Variants in NFIX observed in about 807,000 individuals in gnomAD.
NFIX encodes the protein nuclear factor 1 X-type.
Under a neutral mutation model 53.3 loss-of-function variants are expected in NFIX, and 2 were observed. The ratio of observed to expected loss-of-function variants is 0.04; its 90% CI spans 0.02 to 0.12. The LOEUF is 0.12. Ranked by LOEUF, NFIX falls within the 10% of genes least tolerant of loss-of-function variation. The probability of loss-of-function intolerance (pLI) is 1.00; values close to 1 mark genes in which losing one functional copy is unlikely to be tolerated. For synonymous variants in NFIX, 244 were observed against 289.0 expected (o/e 0.84, Z 1.58); for missense variants, 310 against 674.5 (o/e 0.46, Z 5.99).
At chr19:13,003,651 T>G (rs1237888624) in intron 1 of NFIX, among the ~76,000 whole-genome samples, 1 of 152,170 alleles carries the variant, frequency 6.6e-6, no homozygotes, top group African/African-American at 2.4e-5. Context: ...AACATTTTTT[T>G]TTTTTAGAGA....
At chr19:13,026,609 C>G (rs751468941) in intron 2 of NFIX, among the ~76,000 whole-genome samples, 1 of 152,166 alleles carries the variant, frequency 6.6e-6, no homozygotes, top group Non-Finnish European at 1.5e-5. Context: ...CACTCAGCTA[C>G]GCCCAATTTA....
chr19:13,019,630 G>C (rs996267279), intron 1 of NFIX, among the ~76,000 whole-genome samples: 1 of 150,102 alleles, frequency 6.7e-6, no homozygotes, highest in Non-Finnish European at 1.5e-5. Flanking sequence ...GTCTTTTTCT[G>C]TTGGGGGTAC....
chr19:13,085,965 G>A (rs939923930), intron 8 of NFIX, among the ~76,000 whole-genome samples: 6 of 152,214 alleles, frequency 3.9e-5, no homozygotes, highest in Non-Finnish European at 8.8e-5. Context: ...GTTCCAGTGA[G>A]ATCAAGAATG....
Position 13,095,659 on chromosome 19 carries a change from G to A in NFIX, c.*1010G>A, listed in dbSNP as rs1291311626. The A allele has an allele frequency of 6.6e-6, 1 of 152,416 alleles. No individual in the cohort carries two copies. The highest frequency in any genetic ancestry group is 1.5e-5 in the Non-Finnish European group (1 of 68,094). 9.4% of individuals were successfully genotyped at this position (152,416 alleles called of 1,614,324 possible). The stretch of plus-strand genomic sequence containing the variant: ...GCCGGGCCGGAGGGTGGAGCAGAAA[G>A]GGGACCCCGGAGCCGAGCGAGGAGG... On this transcript the variant is annotated 3_prime_UTR_variant, in exon 11 of 11. Transcript: ENST00000592199.
intron 1 of NFIX, among the ~76,000 whole-genome samples, chr19:13,015,174 C>T (rs542347243): frequency 1.3e-5 from 2 of 152,100 alleles, no homozygotes; most frequent in Non-Finnish European, 2.9e-5. Flanking sequence ...CCCTTGTATT[C>T]GTCTTTTTAC....
In NFIX at chr19:12,996,566, C is replaced by G. The variant is rs1476874179; in HGVS notation, c.27+702C>G. ...CGCGCTGCCAGCGGTGGCCGCGCCT[C>G]TCCGACCCCGGACGTCGCAGCCTCT... is the stretch of plus-strand genomic sequence containing the variant. On this transcript the variant is annotated intron_variant, in intron 1 of 10. Coordinates refer to ENST00000592199, the MANE Select transcript of NFIX (RefSeq NM_001365902.3). The surrounding 1 kb of genome is among the most constrained non-coding windows in gnomAD (Gnocchi z 5.2). Among the ~76,000 whole-genome samples the G allele has an allele frequency of 6.6e-6, 1 of 152,178 alleles. No individual in the cohort carries two copies. The highest frequency in any genetic ancestry group is 2.4e-5 in the African/African-American group (1 of 41,444).
chr19:13,075,923 G>A lies in NFIX; in HGVS notation c.955+252G>A, dbSNP rs150900754. On this transcript the variant is annotated intron_variant, in intron 6 of 10. Coordinates refer to ENST00000592199, the MANE Select transcript of NFIX (RefSeq NM_001365902.3). ...TATGGCGGTGGGAAGCAGAGGGGGT[G>A]CCAAGCCTCTGGTGCCCCACAGTGG... Among the ~76,000 whole-genome samples the A allele has an allele frequency of 9.5e-4, 144 of 152,244 alleles. 1 individual carries two copies. Among genetic ancestry groups the A allele is most frequent in the Middle Eastern group, 3.4e-3 (1 of 294 alleles).
At chr19:13,076,760 G>A (rs914703071) in intron 6 of NFIX, among the ~76,000 whole-genome samples, 2 of 152,112 alleles carry the variant, frequency 1.3e-5, no homozygotes, top group African/African-American at 4.8e-5. Flanking sequence ...GGGGTGGAGC[G>A]AGGTGGGGCT....
At chr19:13,030,934 G>C (rs917808185) in intron 2 of NFIX, among the ~76,000 whole-genome samples, 3 of 152,222 alleles carry the variant, frequency 2.0e-5, no homozygotes, top group Non-Finnish European at 4.4e-5. Context: ...TTGCACACCC[G>C]TGAAGCTGGC....
chr19:13,007,280 G>C (rs2012076428), intron 1 of NFIX, among the ~76,000 whole-genome samples: 1 of 152,136 alleles, frequency 6.6e-6, no homozygotes, highest in Non-Finnish European at 1.5e-5. Context: ...TGGGAATTTG[G>C]GGGTGGGGGC....
In NFIX at chr19:13,096,352, G is replaced by C. The variant is rs1440864366; in HGVS notation, c.*1703G>C. On this transcript the variant is annotated 3_prime_UTR_variant, in exon 11 of 11. Transcript: ENST00000592199. Reference sequence around the variant, plus strand: ...TTTGTGAGGCTGTGGCCCCGAGCTGGCGGAGGGAGGGAAGAGGAGGGAGTG... The same window carrying C: ...TTTGTGAGGCTGTGGCCCCGAGCTGCCGGAGGGAGGGAAGAGGAGGGAGTG... 6.6e-6 allele frequency: 1 copy of C among 152,504 alleles called. No individual in the cohort carries two copies. Among genetic ancestry groups the C allele is most frequent in the African/African-American group, 2.4e-5 (1 of 41,428 alleles). 9.4% of individuals were successfully genotyped at this position (152,504 alleles called of 1,614,324 possible).
intron 2 of NFIX, among the ~76,000 whole-genome samples, chr19:13,063,725 G>T (rs967597024): frequency 2.0e-5 from 3 of 151,928 alleles, no homozygotes; most frequent in Non-Finnish European, 4.4e-5. Context: ...CTGCCTTCTC[G>T]CATCCCTCCT....
At position 13,005,899 on chromosome 19, in the gene NFIX, C is replaced by T. The variant is rs2011988139; in HGVS notation, c.27+10035C>T. Among the ~76,000 whole-genome samples the T allele has an allele frequency of 2.0e-5, 3 of 152,202 alleles. No individual in the cohort carries two copies. Among genetic ancestry groups the T allele is most frequent in the Non-Finnish European group, 4.4e-5 (3 of 68,042 alleles). On this transcript the variant is annotated intron_variant, in intron 1 of 10. Transcript: ENST00000592199. The surrounding 1 kb of genome is among the most constrained non-coding windows in gnomAD (Gnocchi z 4.7). ...CTGCTGGCCAGGCTTGCCCTCACCC[C>T]CGCAGGTCCAAACATCCTCTCCCAC...
rs2015320102 is a variant in NFIX at position 13,051,416 on chromosome 19, C to T, written c.560-21631C>T. Among the ~76,000 whole-genome samples the T allele has an allele frequency of 6.6e-6, 1 of 152,156 alleles. No homozygotes were observed. Among genetic ancestry groups the T allele is most frequent in the Admixed American group, 6.5e-5 (1 of 15,282 alleles). ...GGAAGAGGAGGGGAATGCTGTCTGACCTGACAGCATTGCACAAGTCAGCCG... is the reference window on the plus strand; with the variant it reads ...GGAAGAGGAGGGGAATGCTGTCTGATCTGACAGCATTGCACAAGTCAGCCG... On this transcript the variant is annotated intron_variant, in intron 2 of 10. Transcript: ENST00000592199. The surrounding 1 kb of genome is among the most constrained non-coding windows in gnomAD (Gnocchi z 5.1).
At chr19:13,033,867 A>G (rs777186428) in intron 2 of NFIX, among the ~76,000 whole-genome samples, 9 of 152,230 alleles carry the variant, frequency 5.9e-5, no homozygotes, top group Non-Finnish European at 8.8e-5. Context: ...TGCACCTTGA[A>G]AGACAGTGAG....
At position 12,996,445 on chromosome 19, in the gene NFIX, C is replaced by T. The variant is rs541994147; in HGVS notation, c.27+581C>T. Among the ~76,000 whole-genome samples the T allele has an allele frequency of 6.6e-6, 1 of 151,972 alleles. No individual in the cohort carries two copies. The highest frequency in any genetic ancestry group is 2.4e-5 in the African/African-American group (1 of 41,488). ...TGGGCCGAGCGGCCCGGGCGTCTCC[C>T]CAAAGTCTTTGTTTAGGCCTCACAT... On this transcript the variant is annotated intron_variant, in intron 1 of 10. Coordinates refer to ENST00000592199, the MANE Select transcript of NFIX (RefSeq NM_001365902.3). This position sits in a 1 kb window ranked among gnomAD's most constrained non-coding sequence, Gnocchi z 5.2.
intron 2 of NFIX, among the ~76,000 whole-genome samples, chr19:13,054,924 T>C (rs925437761): frequency 2.6e-5 from 4 of 151,476 alleles, no homozygotes; most frequent in South Asian, 4.2e-4. Context: ...CTTTGGGGGG[T>C]TTTCCCCCCC....
At chr19:13,085,475 C>T (rs1290404372) in intron 8 of NFIX, among the ~76,000 whole-genome samples, 2 of 152,216 alleles carry the variant, frequency 1.3e-5, no homozygotes, top group African/African-American at 4.8e-5. Context: ...CAGACCGTCC[C>T]ATTCCCTCCT....
Position 13,096,055 on chromosome 19 carries a change from G to T in NFIX, c.*1406G>T, listed in dbSNP as rs1464056200. 1 of 152,422 alleles carries T rather than the reference G, an allele frequency of 6.6e-6. No homozygotes were observed. The highest frequency in any genetic ancestry group is 2.4e-5 in the African/African-American group (1 of 41,424). 9.4% of individuals were successfully genotyped at this position (152,422 alleles called of 1,614,324 possible). On this transcript the variant is annotated 3_prime_UTR_variant, in exon 11 of 11. Transcript: ENST00000592199. ...GGAGGGTTGGGGGGCCTGTCCAGAG[G>T]GTCTTCAGAAGCCCCCCTGGGAGGG...
Sources: allele counts gnomAD v4.1 joint callset (sites outside exome capture counted in the v4.1 genomes callset), GRCh38; gene constraint gnomAD v4.1.1; non-coding constraint Gnocchi (gnomAD v3.1); transcripts MANE v1.5; gene names NCBI Gene and HGNC (gene_info 2026-07-23, HGNC 2026-07-21).